The following EHD3 variants were observed in gnomAD, a reference collection of about 807,000 sequenced individuals.
EHD3 encodes the protein EH domain-containing protein 3.
In EHD3, 17 loss-of-function variants were observed where a neutral mutation model predicts 43.0. That is an observed-to-expected ratio of 0.40 (90% CI 0.27 to 0.59). EHD3 has a LOEUF of 0.59. Among genes scored for constraint, EHD3 ranks in the 20% least tolerant of loss-of-function variants. The pLI is 0.49. For missense variants in EHD3, 594 were observed against 705.6 expected (o/e 0.84, Z 1.79); for synonymous variants, 313 against 289.5 (o/e 1.08, Z -0.82).
rs766051913 is a variant in EHD3 at position 31,267,092 on chromosome 2, T to G, written c.*388T>G. On this transcript the variant is annotated 3_prime_UTR_variant, in exon 6 of 6. Coordinates refer to ENST00000322054, the MANE Select transcript of EHD3 (RefSeq NM_014600.3). ...GGCTCTGAGCAAATGGAAAAGACTT[T>G]TCATTTAGTAGACAATTCACTTCTT... 2 of 184,362 alleles carry G rather than the reference T, an allele frequency of 1.1e-5. No homozygotes were observed. The highest frequency in any genetic ancestry group is 2.2e-5 in the Non-Finnish European group (2 of 89,076). The allele number at this position is 184,362 out of a possible 1,614,324, so 11.4% of individuals were successfully genotyped here.
chr2:31,262,799 C>A (rs770242456), intron 5 of EHD3, among the ~76,000 whole-genome samples: 1 of 152,318 alleles, frequency 6.6e-6, no homozygotes, highest in Non-Finnish European at 1.5e-5. Flanking sequence ...CCTGTAATCC[C>A]AGCTACTCGG....
intron 1 of EHD3, among the ~76,000 whole-genome samples, chr2:31,241,932 C>G (rs1000453076): frequency 6.6e-6 from 1 of 152,210 alleles, no homozygotes; most frequent in Admixed American, 6.5e-5. Flanking sequence ...ATCCTGCCCT[C>G]TCACTCTGAT....
At position 31,266,023 on chromosome 2, in the gene EHD3, C is replaced by T. The variant is rs1683941858; in HGVS notation, c.1081-154C>T. Among the ~76,000 whole-genome samples the T allele has an allele frequency of 2.6e-5, 4 of 152,142 alleles. No individual in the cohort carries two copies. The highest frequency in any genetic ancestry group is 1.3e-4 in the Admixed American group (2 of 15,274). On this transcript the variant is annotated intron_variant, in intron 5 of 5. Transcript: ENST00000322054. This position sits in a 1 kb window ranked among gnomAD's most constrained non-coding sequence, Gnocchi z 5.1. ...TCCTCTCTCATACCTTCGATTACCA[C>T]GTGATGTCCATCAGCTGAGCCTCTA...
intron 2 of EHD3, 127 bp downstream of exon 2, chr2:31,244,577 C>T (rs1325413607): frequency 3.9e-6 from 4 of 1,014,226 alleles, no homozygotes; most frequent in Non-Finnish European, 4.2e-6. Flanking sequence ...TCTTTCCATA[C>T]CTAGATTGTC....
At chr2:31,236,414 T>C (rs1273454156) in intron 1 of EHD3, among the ~76,000 whole-genome samples, 4 of 152,214 alleles carry the variant, frequency 2.6e-5, no homozygotes, top group African/African-American at 4.8e-5. Flanking sequence ...CAAATTTGCA[T>C]ATAATGTTGG....
chr2:31,261,605 GGAC>G lies in EHD3; in HGVS notation c.973_975del (p.Asp325del), dbSNP rs1558652374. ...AGGAGATGCCCTCGGTGTTCGGGAA[GGAC>G]AACAAGAAGAAGGAGCTGGTCAACA... On this transcript the variant is annotated inframe_deletion, in exon 5 of 6. Coordinates refer to ENST00000322054, the MANE Select transcript of EHD3 (RefSeq NM_014600.3). The G allele has an allele frequency of 6.2e-7, 1 of 1,614,216 alleles. No individual in the cohort carries two copies. The highest frequency in any genetic ancestry group is 1.7e-5 in the Admixed American group (1 of 60,032).
Position 31,266,988 on chromosome 2 carries a change from A to G in EHD3, c.*284A>G. On this transcript the variant is annotated 3_prime_UTR_variant, in exon 6 of 6. Transcript: ENST00000322054. The surrounding 1 kb of genome is among the most constrained non-coding windows in gnomAD (Gnocchi z 5.1). ...CTTCCCCTCTCCTCGGCCACTCCCC[A>G]GATACCAGACCTGAGGCAATTCACT... 2.4e-6 allele frequency: 1 copy of G among 414,406 alleles called. No homozygotes were observed. Among genetic ancestry groups the G allele is most frequent in the Non-Finnish European group, 4.3e-6 (1 of 233,244 alleles). 25.7% of individuals were successfully genotyped at this position (414,406 alleles called of 1,614,324 possible).
intron 4 of EHD3, 103 bp from the exon 5 acceptor site, chr2:31,261,446 G>A: frequency 7.4e-7 from 1 of 1,347,598 alleles, no homozygotes; most frequent in Non-Finnish European, 1.0e-6. Context: ...AGCAGGAGGA[G>A]GCGGGAGGGA....
chr2:31,261,663 C>T lies in EHD3; in HGVS notation c.1030C>T (p.Arg344Trp), dbSNP rs1028760156. The T allele has an allele frequency of 1.5e-5, 25 of 1,614,176 alleles. No homozygotes were observed. Among genetic ancestry groups the T allele is most frequent in the Non-Finnish European group, 1.9e-5 (23 of 1,180,024 alleles). Residue 344 changes from arginine to tryptophan, a missense_variant, in exon 5 of 6, where the codon CGG (arginine) becomes TGG (tryptophan). Physicochemically the swap from Arg to Trp is moderately radical, Grantham distance 101. Transcript: ENST00000322054. ...NLAEIYGRIE[R>W]EHQISPGDFP... Reference sequence around the variant, plus strand: ...GGCCGAGATCTATGGCCGGATCGAGCGGGAGCACCAGATCTCACCTGGGGA... The same window carrying T: ...GGCCGAGATCTATGGCCGGATCGAGTGGGAGCACCAGATCTCACCTGGGGA...
At chr2:31,240,969 G>A (rs1053767700) in intron 1 of EHD3, among the ~76,000 whole-genome samples, 1 of 152,170 alleles carries the variant, frequency 6.6e-6, no homozygotes, top group Non-Finnish European at 1.5e-5. Context: ...TCCCAATCAG[G>A]GTGGAATCTT....
intron 5 of EHD3, among the ~76,000 whole-genome samples, chr2:31,263,521 C>T (rs1039775691): frequency 2.6e-5 from 4 of 152,038 alleles, no homozygotes; most frequent in Admixed American, 6.5e-5. Context: ...GGGAGCCCAC[C>T]AAACATACCT....
rs768630627 is a variant in EHD3 at position 31,265,810 on chromosome 2, A to G, written c.1081-367A>G. ...CTCAGAGGTACAGCATTCAAGAGAC[A>G]TGATTCAATAGCCAAAACTGACTTA... On this transcript the variant is annotated intron_variant, in intron 5 of 5. Coordinates refer to ENST00000322054, the MANE Select transcript of EHD3 (RefSeq NM_014600.3). Among the ~76,000 whole-genome samples, 4 of 152,346 alleles carry G rather than the reference A, an allele frequency of 2.6e-5. No individual in the cohort carries two copies. The East Asian group carries it at 7.7e-4, about 29-fold the overall frequency.
At chr2:31,263,587 C>T (rs1347363275) in intron 5 of EHD3, among the ~76,000 whole-genome samples, 2 of 152,100 alleles carry the variant, frequency 1.3e-5, no homozygotes, top group Non-Finnish European at 2.9e-5. Flanking sequence ...GACCTTGGGA[C>T]GTGATGCTCT....
chr2:31,249,326 T>C, intron 2 of EHD3, 45 bp from the exon 3 acceptor site: 2 of 1,575,876 alleles, frequency 1.3e-6, no homozygotes, highest in Non-Finnish European at 8.7e-7. Context: ...GGCTAGGTCA[T>C]GAAAGGTGGG....
In EHD3 at chr2:31,234,510, T is replaced by C; in HGVS notation, c.-112T>C. The C allele has an allele frequency of 8.0e-7, 1 of 1,257,442 alleles. No homozygotes were observed. 77.9% of individuals were successfully genotyped at this position (1,257,442 alleles called of 1,614,324 possible). A position where few individuals can be genotyped will look rare whatever the true frequency, so the allele number is the denominator to read the frequency against. ...CCATGGTGCGGCTGAGCCCCGCGCT[T>C]GGGTGAGGCGGCGGCGCGGCTCGGA... On this transcript the variant is annotated 5_prime_UTR_variant, in exon 1 of 6. Transcript: ENST00000322054.
At chr2:31,243,581 C>A (rs1014798649) in intron 1 of EHD3, among the ~76,000 whole-genome samples, 1 of 151,242 alleles carries the variant, frequency 6.6e-6, no homozygotes, top group East Asian at 2.0e-4. Context: ...CTCAGCCTCC[C>A]TAGTAGCTGG....
At position 31,260,527 on chromosome 2, in the gene EHD3, G is replaced by C. The variant is rs749920764; in HGVS notation, c.520G>C (p.Val174Leu). The C allele has an allele frequency of 1.2e-6, 2 of 1,607,944 alleles. No individual in the cohort carries two copies. The highest frequency in any genetic ancestry group is 2.2e-5 in the South Asian group (2 of 90,180). The change falls in exon 4 of 6, where the codon GTC becomes CTC. Residue 174 changes from valine to leucine, a missense_variant. Coordinates refer to ENST00000322054, the MANE Select transcript of EHD3 (RefSeq NM_014600.3). This position sits in a 1 kb window ranked among gnomAD's most constrained non-coding sequence, Gnocchi z 4.6. Reference sequence around the variant, plus strand: ...GCCGGCAGGGTATGACTTTGCAGCTGTCCTTGAGTGGTTTGCCGAGCGGGT... The same window carrying C: ...GCCGGCAGGGTATGACTTTGCAGCTCTCCTTGAGTGGTTTGCCGAGCGGGT... The part of the protein sequence containing the change: ...RISRGYDFAA[V>L]LEWFAERVDR...
intron 1 of EHD3, among the ~76,000 whole-genome samples, chr2:31,242,946 GT>G (rs1683448978): frequency 6.7e-6 from 1 of 150,296 alleles, no homozygotes; most frequent in Non-Finnish European, 1.5e-5. Context: ...GGCAACAAGA[GT>G]GAAACTCCGT....
intron 3 of EHD3, among the ~76,000 whole-genome samples, chr2:31,252,269 C>A (rs550455583): frequency 1.5e-4 from 23 of 152,322 alleles, no homozygotes; most frequent in South Asian, 8.3e-4. Context: ...TCACCATGAG[C>A]TACCTTCCTC....
Sources: allele counts gnomAD v4.1 joint callset (sites outside exome capture counted in the v4.1 genomes callset), GRCh38; gene constraint gnomAD v4.1.1; non-coding constraint Gnocchi (gnomAD v3.1); transcripts MANE v1.5; gene names NCBI Gene and HGNC (gene_info 2026-07-23, HGNC 2026-07-21).